The following TNN variants were observed in gnomAD, a reference collection of about 807,000 sequenced individuals.
TNN encodes the protein tenascin N, also known as tenascin-N.
In TNN, 122 loss-of-function variants were observed where a neutral mutation model predicts 134.4. The observed-to-expected ratio is 0.91, with a 90% CI of 0.78 to 1.06. TNN has a LOEUF of 1.06. TNN is among the 50% of genes least tolerant of loss of function. TNN has a pLI of 0.00. For synonymous variants in TNN, 710 were observed against 670.3 expected, an observed-to-expected ratio of 1.06 and a Z score of -0.91; for missense variants, 1,739 against 1,699.4, an observed-to-expected ratio of 1.02 and a Z score of -0.41.
intron 4 of TNN, 109 bp downstream of exon 4, chr1:175,080,535 A>G: frequency 7.9e-7 from 1 of 1,262,052 alleles, no homozygotes; most frequent in Non-Finnish European, 1.1e-6. Context: ...TTTGAAAAAC[A>G]CACCTGCCAC....
Position 175,098,393 on chromosome 1 carries a change from C to T in TNN, c.1917C>T (p.Ser639=). ...TGACAGAGAATATGGCCACGGTCTC[C>T]TGGGACCCGGTGCAGGCCGCCATTG... The part of the protein sequence containing the change: ...DRVTENMATV[S]WDPVQAAIDK... The change falls in exon 9 of 19, where the codon TCC becomes TCT. Residue 639 remains serine (S), a synonymous_variant. Coordinates refer to ENST00000239462, the MANE Select transcript of TNN (RefSeq NM_022093.2). The T allele has an allele frequency of 6.2e-7, 1 of 1,614,204 alleles. No homozygotes were observed. Among genetic ancestry groups the T allele is most frequent in the Non-Finnish European group, 8.5e-7 (1 of 1,180,036 alleles).
In TNN at chr1:175,102,880, C is replaced by T. The variant is rs192861288; in HGVS notation, c.2119+4285C>T. On this transcript the variant is annotated intron_variant, in intron 9 of 18. Transcript: ENST00000239462. ...GTCACCTCTCAATCCCCCCTCTAAACAGGACACCCCAACTGCTGTTGGCAA... is the reference window on the plus strand; with the variant it reads ...GTCACCTCTCAATCCCCCCTCTAAATAGGACACCCCAACTGCTGTTGGCAA... Among the ~76,000 whole-genome samples, 541 of 146,112 alleles carry T rather than the reference C, an allele frequency of 3.7e-3. 48 individuals are homozygous for T. The highest frequency in any genetic ancestry group is 0.011 in the African/African-American group (452 of 40,668).
At chr1:175,112,596 A>ATATTTTTTTT (rs1244528758) in intron 9 of TNN, among the ~76,000 whole-genome samples, 1 of 8,066 alleles carries the variant, frequency 1.2e-4, no homozygotes, top group Non-Finnish European at 3.5e-4. Flanking sequence ...CAGCCGGCCG[A>ATATTTTTTTT]TCTTTTTTTT....
At position 175,077,624 on chromosome 1, in the gene TNN, G is replaced by A. The variant is rs747361812; in HGVS notation, c.206G>A (p.Gly69Glu). 6 of 1,614,224 alleles carry A rather than the reference G, an allele frequency of 3.7e-6. No homozygotes were observed. Among genetic ancestry groups the A allele is most frequent in the South Asian group, 1.1e-5 (1 of 91,082 alleles). ...DADPQPLSDD[G>E]ASLLALGEAR... ...GACCCTCAGCCCCTCAGTGACGATG[G>A]GGCTTCGCTCTTGGCCCTGGGGGAG... The change falls in exon 2 of 19, where the codon GGG (glycine) becomes GAG (glutamate). Residue 69 changes from glycine to glutamate, a missense_variant. Coordinates refer to ENST00000239462, the MANE Select transcript of TNN (RefSeq NM_022093.2).
At chr1:175,114,315 CA>C (rs1675108944) in intron 9 of TNN, among the ~76,000 whole-genome samples, 1 of 152,190 alleles carries the variant, frequency 6.6e-6, no homozygotes, top group Admixed American at 6.5e-5. Context: ...CTGTGTTTGA[CA>C]TCAGCAATAA....
At position 175,098,532 on chromosome 1, in the gene TNN, G is replaced by A; in HGVS notation, c.2056G>A (p.Val686Met). 1.2e-6 allele frequency: 2 copies of A among 1,614,178 alleles called. No homozygotes were observed. The highest frequency in any genetic ancestry group is 1.1e-5 in the South Asian group (1 of 91,074). The change falls in exon 9 of 19, where the codon GTG becomes ATG. Residue 686 changes from valine (V) to methionine (M), a missense_variant. Physicochemically the swap from Val to Met is conservative, Grantham distance 21. Transcript: ENST00000239462. ...CCTGAGACCGGGTATGGAGTACATG[G>A]TGCACGTGTGGGCCCAGAAGGGGGA... The part of the protein sequence containing the change: ...TGLRPGMEYM[V>M]HVWAQKGDQE...
intron 1 of TNN, among the ~76,000 whole-genome samples, chr1:175,074,882 G>C (rs971459624): frequency 4.6e-5 from 7 of 152,236 alleles, no homozygotes; most frequent in Non-Finnish European, 7.3e-5. Context: ...AGCAAGCATA[G>C]GCTTGCAATC....
chr1:175,124,860 TCTC>T lies in TNN; in HGVS notation c.2914+1201_2914+1203del, dbSNP rs1220038177. ...GTTCCTTTCTCTCTTATTCCTTTCTTCTCCTCTTCCTTGTTTATCTTCTCTTGG... is the reference window on the plus strand; with the variant it reads ...GTTCCTTTCTCTCTTATTCCTTTCTTCTCTTCCTTGTTTATCTTCTCTTGG... On this transcript the variant is annotated intron_variant, in intron 12 of 18. Coordinates refer to ENST00000239462, the MANE Select transcript of TNN (RefSeq NM_022093.2). 2.0e-5 allele frequency among the ~76,000 whole-genome samples: 3 copies of T among 152,268 alleles called. No homozygotes were observed. The East Asian group carries it at 5.8e-4, about 29-fold the overall frequency.
intron 16 of TNN, among the ~76,000 whole-genome samples, chr1:175,136,219 A>G (rs1675808237): frequency 6.6e-6 from 1 of 152,188 alleles, no homozygotes; most frequent in African/African-American, 2.4e-5. Context: ...CCACAGTAGT[A>G]GAAAAAAAGT....
chr1:175,093,887 C>G, intron 6 of TNN, 103 bp from the exon 7 acceptor site: 2 of 1,254,718 alleles, frequency 1.6e-6, no homozygotes, highest in South Asian at 3.0e-5. Flanking sequence ...ATTGCATAAA[C>G]TATTGAACTA....
Position 175,097,402 on chromosome 1 carries a change from ATC to A in TNN, c.1589-7_1589-6del. 1 of 1,613,914 alleles carries A rather than the reference ATC, an allele frequency of 6.2e-7. No homozygotes were observed. Among genetic ancestry groups the A allele is most frequent in the Non-Finnish European group, 8.5e-7 (1 of 1,179,816 alleles). ...GTGGTAAAGGCTACATTCTTCTTTC[ATC>A]TCTCTCTTAAAGAAATTGACAGCCC... On this transcript the variant is annotated splice_polypyrimidine_tract_variant and intron_variant, in intron 7 of 18. Transcript: ENST00000239462.
rs144860129 is a variant in TNN at position 175,144,689 on chromosome 1, C to A, written c.3759+139C>A. The stretch of plus-strand genomic sequence containing the variant: ...AGCAGTAGAGCTTCTCCTCCAGGCT[C>A]CATGGCCTTGAGGTCGTGGCCTCCC... On this transcript the variant is annotated intron_variant, in intron 18 of 18. Transcript: ENST00000239462. 9.5e-5 allele frequency: 91 copies of A among 957,920 alleles called. 2 individuals are homozygous for A. In the African/African-American group the frequency reaches 1.3e-3, roughly 14 times the overall value. The allele number at this position is 957,920 out of a possible 1,614,324, so 59.3% of individuals were successfully genotyped here.
At chr1:175,076,931 A>G (rs964514152) in intron 1 of TNN, among the ~76,000 whole-genome samples, 2 of 152,242 alleles carry the variant, frequency 1.3e-5, no homozygotes, top group Non-Finnish European at 2.9e-5. Flanking sequence ...GAATGAGTTA[A>G]TAAATGTGAA....
At chr1:175,145,161 G>A (rs1188029270) in intron 18 of TNN, among the ~76,000 whole-genome samples, 1 of 152,058 alleles carries the variant, frequency 6.6e-6, no homozygotes, top group African/African-American at 2.4e-5. Context: ...TTGGTGGGGG[G>A]TGGTTAGGGC....
intron 17 of TNN, among the ~76,000 whole-genome samples, chr1:175,137,346 A>C (rs956601266): frequency 6.9e-6 from 1 of 144,508 alleles, no homozygotes; most frequent in Non-Finnish European, 1.5e-5. Context: ...TGTGGCTGTC[A>C]TCTTTGTCTG....
At chr1:175,120,194 G>A (rs988403559) in intron 11 of TNN, among the ~76,000 whole-genome samples, 7 of 152,204 alleles carry the variant, frequency 4.6e-5, no homozygotes, top group African/African-American at 1.4e-4. Context: ...TAAGTGCCAG[G>A]CCTGGGGAAC....
At chr1:175,072,391 G>A (rs75444099) in intron 1 of TNN, among the ~76,000 whole-genome samples, 2,018 of 152,262 alleles carry the variant, frequency 0.013, 37 homozygotes, top group African/African-American at 0.045. Flanking sequence ...TTCGCTTCAT[G>A]CATCCCTGCA....
intron 6 of TNN, among the ~76,000 whole-genome samples, chr1:175,086,822 G>GA (rs1252590518): frequency 6.6e-6 from 1 of 152,358 alleles, no homozygotes; most frequent in East Asian, 1.9e-4. Flanking sequence ...TAATGGGTTA[G>GA]AAAATGGTAA....
chr1:175,137,779 T>A (rs903687802), intron 17 of TNN, among the ~76,000 whole-genome samples: 29 of 152,378 alleles, frequency 1.9e-4, no homozygotes, highest in African/African-American at 6.3e-4. Context: ...TTTGCGTTTT[T>A]GACTTTGGTG....
Sources: gnomAD v4.1 joint callset for allele counts (sites outside exome capture counted in the v4.1 genomes callset) on GRCh38, gnomAD v4.1.1 for gene constraint, MANE v1.5 for transcripts, NCBI Gene and HGNC (gene_info 2026-07-23, HGNC 2026-07-21) for gene names.